NFIA: variants seen among roughly 807,000 people sequenced by gnomAD.
NFIA encodes the protein nuclear factor I A, also known as nuclear factor 1 A-type.
In NFIA, 8 loss-of-function variants were observed where a neutral mutation model predicts 62.8. The observed-to-expected ratio is 0.13, with a 90% CI of 0.07 to 0.23. The LOEUF is 0.23. Ranked by LOEUF, NFIA falls within the 10% of genes least tolerant of loss-of-function variation. The pLI is 1.00. For synonymous variants in NFIA, 235 were observed against 238.1 expected, an observed-to-expected ratio of 0.99 and a Z score of 0.12; for missense variants, 410 against 642.1, an observed-to-expected ratio of 0.64 and a Z score of 3.91.
chr1:61,321,355 A>G (rs1172931767), intron 3 of NFIA, among the ~76,000 whole-genome samples: 1 of 152,132 alleles, frequency 6.6e-6, no homozygotes, highest in Non-Finnish European at 1.5e-5. Context: ...TAATAAATGC[A>G]TAATTCTAAA....
intron 6 of NFIA, among the ~76,000 whole-genome samples, chr1:61,378,087 G>A (rs17122042): frequency 0.06 from 9,202 of 152,222 alleles, 421 homozygotes; most frequent in African/African-American, 0.13. Flanking sequence ...TCACTATGGA[G>A]TTCTTGGTCA....
chr1:61,374,493 T>G (rs1387127042), intron 6 of NFIA, among the ~76,000 whole-genome samples: 1 of 152,202 alleles, frequency 6.6e-6, no homozygotes, highest in African/African-American at 2.4e-5. Context: ...AGAGATTTTA[T>G]TTTTGGCCCA....
At chr1:61,327,068 TTATGA>T (rs1453037309) in intron 3 of NFIA, among the ~76,000 whole-genome samples, 2 of 148,472 alleles carry the variant, frequency 1.3e-5, no homozygotes, top group East Asian at 1.9e-4. Context: ...ATATCTACTA[TTATGA>T]TATGTATATA....
At chr1:61,449,174 T>C (rs1667954636) in intron 10 of NFIA, among the ~76,000 whole-genome samples, 1 of 152,214 alleles carries the variant, frequency 6.6e-6, no homozygotes, top group Non-Finnish European at 1.5e-5. Context: ...CCGTCGGAAC[T>C]GCCTGGAGTG....
chr1:61,281,173 ATGT>A (rs966101040), intron 3 of NFIA, among the ~76,000 whole-genome samples: 2 of 151,808 alleles, frequency 1.3e-5, no homozygotes, highest in African/African-American at 4.8e-5. Flanking sequence ...CGGGCAGCAG[ATGT>A]TGTAGTGAGC....
chr1:61,092,829 C>T (rs965800385), intron 2 of NFIA, among the ~76,000 whole-genome samples: 2 of 152,148 alleles, frequency 1.3e-5, no homozygotes, highest in Non-Finnish European at 2.9e-5. Context: ...AATTCACTTC[C>T]TACTGCTTCA....
chr1:61,286,255 G>T (rs2152096), intron 3 of NFIA, among the ~76,000 whole-genome samples: 75,552 of 150,590 alleles, frequency 0.5, 20,063 homozygotes, highest in South Asian at 0.72. Flanking sequence ...GTGAAACCCT[G>T]TCTCTACTTA....
At chr1:61,105,397 T>C (rs1646578971) in intron 2 of NFIA, among the ~76,000 whole-genome samples, 1 of 151,978 alleles carries the variant, frequency 6.6e-6, no homozygotes, top group South Asian at 2.1e-4. Context: ...ACTTTTTTAT[T>C]CCTTAGGGTA....
At chr1:61,087,451 T>C (rs926639003) in intron 1 of NFIA, among the ~76,000 whole-genome samples, 2 of 152,182 alleles carry the variant, frequency 1.3e-5, no homozygotes, top group African/African-American at 2.4e-5. Flanking sequence ...CATAGATCTT[T>C]TATTTTAGCC....
intron 2 of NFIA, among the ~76,000 whole-genome samples, chr1:61,185,126 C>A (rs149513022): frequency 1.3e-5 from 2 of 152,156 alleles, no homozygotes; most frequent in African/African-American, 2.4e-5. Context: ...TTTAAACTTA[C>A]ATGCTTTATC....
In NFIA at chr1:61,088,986, T is replaced by C. The variant is rs144356850; in HGVS notation, c.559+306T>C. 1.4e-3 allele frequency among the ~76,000 whole-genome samples: 216 copies of C among 152,336 alleles called. 1 individual carries two copies. In the East Asian group the frequency reaches 0.021, roughly 15 times the overall value. On this transcript the variant is annotated intron_variant, in intron 2 of 10. Transcript: ENST00000403491. The surrounding 1 kb of genome is among the most constrained non-coding windows in gnomAD (Gnocchi z 4.5). Reference sequence around the variant, plus strand: ...ATGAGAGAAGCCTCGTGAAAACCCTTTTAATAAAGAGTATATTTTAACTGA... The same window carrying C: ...ATGAGAGAAGCCTCGTGAAAACCCTCTTAATAAAGAGTATATTTTAACTGA...
chr1:61,107,641 G>T lies in NFIA; in HGVS notation c.559+18961G>T, dbSNP rs191448050. Among the ~76,000 whole-genome samples the T allele has an allele frequency of 2.1e-3, 318 of 151,544 alleles. 2 individuals are homozygous for T. The highest frequency in any genetic ancestry group is 7.3e-3 in the African/African-American group (301 of 41,452). ...TGGCTTGTTTTAAAATTTTCTTCATGTTATCTTTGATCAACAAAAATTCTT... is the reference window on the plus strand; with the variant it reads ...TGGCTTGTTTTAAAATTTTCTTCATTTTATCTTTGATCAACAAAAATTCTT... On this transcript the variant is annotated intron_variant, in intron 2 of 10. Coordinates refer to ENST00000403491, the MANE Select transcript of NFIA (RefSeq NM_001134673.4).
intron 2 of NFIA, among the ~76,000 whole-genome samples, chr1:61,238,304 A>C (rs902388543): frequency 1.3e-5 from 2 of 152,228 alleles, no homozygotes; most frequent in African/African-American, 2.4e-5. Context: ...ATCTATCTGT[A>C]ACACCTTGTC....
intron 2 of NFIA, among the ~76,000 whole-genome samples, chr1:61,199,512 G>A (rs1427544247): frequency 6.6e-6 from 1 of 152,000 alleles, no homozygotes; most frequent in South Asian, 2.1e-4. Context: ...ACCGTATCTC[G>A]TGAGTAGTAG....
intron 6 of NFIA, among the ~76,000 whole-genome samples, chr1:61,360,268 T>TGGG (rs1663216156): frequency 6.6e-6 from 1 of 151,676 alleles, no homozygotes; most frequent in Non-Finnish European, 1.5e-5. Flanking sequence ...TAACACGTGG[T>TGGG]TTAGAGGGAA....
chr1:61,230,688 A>G (rs1284859293), intron 2 of NFIA, among the ~76,000 whole-genome samples: 2 of 152,130 alleles, frequency 1.3e-5, no homozygotes, highest in African/African-American at 4.8e-5. Context: ...CCCTCTCACC[A>G]GCTGTATAAA....
At chr1:61,286,552 G>T (rs1208639729) in intron 3 of NFIA, among the ~76,000 whole-genome samples, 1 of 152,054 alleles carries the variant, frequency 6.6e-6, no homozygotes, top group Non-Finnish European at 1.5e-5. Flanking sequence ...AAAGGGAAAA[G>T]ACACCATTTG....
intron 3 of NFIA, among the ~76,000 whole-genome samples, chr1:61,287,679 G>A (rs1658596880): frequency 6.6e-6 from 1 of 151,146 alleles, no homozygotes; most frequent in Non-Finnish European, 1.5e-5. Flanking sequence ...AAAACAAGAT[G>A]CCAAGTTAAA....
At chr1:61,187,918 A>C (rs949159620) in intron 2 of NFIA, among the ~76,000 whole-genome samples, 4 of 152,128 alleles carry the variant, frequency 2.6e-5, no homozygotes, top group Non-Finnish European at 5.9e-5. Flanking sequence ...GCAGCCCTGT[A>C]GTAAGGAGGT....
Sources: gnomAD v4.1 joint callset for allele counts (sites outside exome capture counted in the v4.1 genomes callset) on GRCh38, gnomAD v4.1.1 for gene constraint, Gnocchi (gnomAD v3.1) non-coding constraint, MANE v1.5 for transcripts, NCBI Gene and HGNC (gene_info 2026-07-23, HGNC 2026-07-21) for gene names.